SEMA3C: variants seen among roughly 807,000 people sequenced by gnomAD.
SEMA3C encodes semaphorin-3C.
In SEMA3C, 47 loss-of-function variants were observed where a neutral mutation model predicts 89.4. The observed-to-expected ratio is 0.53, with a 90% CI of 0.42 to 0.67. The LOEUF (loss-of-function observed/expected upper bound fraction) is 0.67, where lower values mean the gene tolerates loss of function less well. Among genes scored for constraint, SEMA3C ranks in the 30% least tolerant of loss-of-function variants. The pLI is 0.00. For missense variants in SEMA3C, 839 were observed against 929.1 expected, an observed-to-expected ratio of 0.90 and a Z score of 1.26; for synonymous variants, 310 against 320.2, an observed-to-expected ratio of 0.97 and a Z score of 0.34.
At chr7:80,900,448 A>G (rs1334230759) in intron 2 of SEMA3C, among the ~76,000 whole-genome samples, 1 of 152,230 alleles carries the variant, frequency 6.6e-6, no homozygotes, top group Admixed American at 6.5e-5. Context: ...TCACATCTTG[A>G]TAAGTGTTTT....
At chr7:80,817,178 G>A (rs1218672066) in intron 5 of SEMA3C, among the ~76,000 whole-genome samples, 1 of 151,662 alleles carries the variant, frequency 6.6e-6, no homozygotes, top group Admixed American at 6.6e-5. Flanking sequence ...CTCATTTTGG[G>A]GTCAAATTAT....
chr7:80,836,687 C>G (rs1408874555), intron 2 of SEMA3C, among the ~76,000 whole-genome samples: 1 of 149,508 alleles, frequency 6.7e-6, no homozygotes, highest in African/African-American at 2.4e-5. Context: ...CAAAAACAAA[C>G]AAACAAACAA....
At chr7:80,885,525 G>A (rs1296722333) in intron 2 of SEMA3C, among the ~76,000 whole-genome samples, 1 of 152,138 alleles carries the variant, frequency 6.6e-6, no homozygotes, top group Non-Finnish European at 1.5e-5. Context: ...GCTGAGGTGT[G>A]AGGATCCTTT....
chr7:80,911,045 G>T (rs571135670), intron 2 of SEMA3C, among the ~76,000 whole-genome samples: 4 of 152,040 alleles, frequency 2.6e-5, no homozygotes, highest in Non-Finnish European at 5.9e-5. Flanking sequence ...ATGTTCCAGA[G>T]AGGTAATTCC....
At chr7:80,813,719 G>A (rs1199208354) in intron 5 of SEMA3C, among the ~76,000 whole-genome samples, 1 of 151,922 alleles carries the variant, frequency 6.6e-6, no homozygotes, top group African/African-American at 2.4e-5. Context: ...TTAATAATTG[G>A]AGGCTTTATG....
At chr7:80,793,635 C>T (rs1788994676) in intron 11 of SEMA3C, 1 of 353,526 alleles carries the variant, frequency 2.8e-6, no homozygotes, top group Non-Finnish European at 5.5e-6. Context: ...ATTTTTAAAA[C>T]AAGTTTATAA....
chr7:80,783,052 ATATCTT>A (rs1437917772), intron 12 of SEMA3C, among the ~76,000 whole-genome samples: 1 of 152,186 alleles, frequency 6.6e-6, no homozygotes, highest in Non-Finnish European at 1.5e-5. Context: ...TTATATGTCT[ATATCTT>A]TATACAATCA....
At chr7:80,863,775 CAT>C (rs1007764381) in intron 2 of SEMA3C, among the ~76,000 whole-genome samples, 16 of 139,284 alleles carry the variant, frequency 1.1e-4, no homozygotes, top group Non-Finnish European at 1.7e-4. Flanking sequence ...AGTATTCCAT[CAT>C]ATATATAGTA....
intron 6 of SEMA3C, among the ~76,000 whole-genome samples, chr7:80,807,738 G>A (rs1308739243): frequency 6.6e-6 from 1 of 152,086 alleles, no homozygotes; most frequent in Non-Finnish European, 1.5e-5. Context: ...ATGAAATTTG[G>A]AATTCTAATT....
intron 2 of SEMA3C, among the ~76,000 whole-genome samples, chr7:80,870,560 G>A (rs1354940814): frequency 2.0e-5 from 3 of 152,272 alleles, no homozygotes; most frequent in Non-Finnish European, 4.4e-5. Context: ...GGCGTACCAC[G>A]TATCAGAGAT....
At chr7:80,828,987 A>G (rs533717395) in intron 2 of SEMA3C, among the ~76,000 whole-genome samples, 1 of 152,168 alleles carries the variant, frequency 6.6e-6, no homozygotes, top group South Asian at 2.1e-4. Flanking sequence ...ACATAGTGAG[A>G]CCTTGTCTCA....
intron 2 of SEMA3C, among the ~76,000 whole-genome samples, chr7:80,833,857 T>C (rs941105136): frequency 3.3e-5 from 5 of 152,148 alleles, no homozygotes; most frequent in Admixed American, 3.3e-4. Context: ...TATCATTTGG[T>C]TTCACATAGA....
upstream of SEMA3C, among the ~76,000 whole-genome samples, chr7:80,920,172 G>A (rs1212486443): frequency 6.6e-6 from 1 of 152,112 alleles, no homozygotes; most frequent in Non-Finnish European, 1.5e-5. Context: ...AGGTACACTC[G>A]TTAAACTCTG....
At chr7:80,833,285 T>G (rs1043287888) in intron 2 of SEMA3C, among the ~76,000 whole-genome samples, 2 of 151,794 alleles carry the variant, frequency 1.3e-5, no homozygotes, top group African/African-American at 2.4e-5. Flanking sequence ...ATACAAAAAT[T>G]AGCTGGGCAT....
chr7:80,829,166 C>CA (rs539521256), intron 2 of SEMA3C, among the ~76,000 whole-genome samples: 39 of 145,366 alleles, frequency 2.7e-4, no homozygotes, highest in Admixed American at 2.7e-4. Flanking sequence ...GACACTGCCT[C>CA]AAAAAAAAAA....
At chr7:80,860,759 G>C (rs1790752338) in intron 2 of SEMA3C, among the ~76,000 whole-genome samples, 1 of 152,102 alleles carries the variant, frequency 6.6e-6, no homozygotes, top group Admixed American at 6.6e-5. Context: ...GCGAAGACGA[G>C]GCCACCCACA....
At chr7:80,898,842 AT>A (rs1283554641) in intron 2 of SEMA3C, among the ~76,000 whole-genome samples, 4 of 151,300 alleles carry the variant, frequency 2.6e-5, no homozygotes, top group South Asian at 2.1e-4. Flanking sequence ...AAAAAAAAAA[AT>A]TGAGAACTGT....
At chr7:80,887,132 T>G (rs1427845466) in intron 2 of SEMA3C, among the ~76,000 whole-genome samples, 1 of 152,196 alleles carries the variant, frequency 6.6e-6, no homozygotes, top group East Asian at 1.9e-4. Context: ...AGTGCCATTT[T>G]ACAAAGCAGA....
chr7:80,751,140 C>CT (rs1787925696), intron 16 of SEMA3C, 129 bp downstream of exon 16: 2 of 701,804 alleles, frequency 2.8e-6, no homozygotes, highest in Admixed American at 2.6e-5. Flanking sequence ...ATATAAATAC[C>CT]CAGAATTGTT....
Sources: gnomAD v4.1 joint callset for allele counts (sites outside exome capture counted in the v4.1 genomes callset) on GRCh38, gnomAD v4.1.1 for gene constraint, MANE v1.5 for transcripts, NCBI Gene and HGNC (gene_info 2026-07-23, HGNC 2026-07-21) for gene names.